The following FAM200B variants were observed in gnomAD, a reference collection of about 807,000 sequenced individuals.
FAM200B encodes protein FAM200B.
FAM200B carries 32 observed loss-of-function variants against 33.1 expected under a neutral mutation model. The observed-to-expected ratio is 0.97, with a 90% CI of 0.73 to 1.30. The LOEUF is 1.30. Among genes scored for constraint, FAM200B ranks in the 50% most tolerant of loss-of-function variants. The pLI is 0.00. For missense variants in FAM200B, 741 were observed against 754.0 expected (o/e 0.98, Z 0.20); for synonymous variants, 240 against 264.8 (o/e 0.91, Z 0.91).
Position 15,687,116 on chromosome 4 carries a change from A to G in FAM200B, c.139A>G (p.Thr47Ala). Reference sequence around the variant, plus strand: ...TACTGACTCCAATCTGCAAACTTCAACTTCATTTGAGCCACATTTCAAAAA... The same window carrying G: ...TACTGACTCCAATCTGCAAACTTCAGCTTCATTTGAGCCACATTTCAAAAA... The part of the protein sequence containing the change: ...KNTDSNLQTS[T>A]SFEPHFKKKK... Residue 47 changes from threonine to alanine, a missense_variant, in exon 2 of 2, where the codon ACT becomes GCT. Thr to Ala is a moderately conservative substitution (Grantham distance 58, BLOSUM62 0). Transcript: ENST00000422728. The G allele has an allele frequency of 1.3e-6, 2 of 1,549,062 alleles. No individual in the cohort carries two copies. The highest frequency in any genetic ancestry group is 1.7e-6 in the Non-Finnish European group (2 of 1,146,054).
Position 15,687,031 on chromosome 4 carries a change from A to G in FAM200B, c.54A>G (p.Glu18=), listed in dbSNP as rs761315441. ...RKRNSEVKYT[E]ACSSSSVESG... The stretch of plus-strand genomic sequence containing the variant: ...GGAATAGTGAAGTGAAATATACAGA[A>G]GCATGTTCAAGTTCATCTGTTGAAT... Residue 18 remains glutamate, a synonymous_variant, in exon 2 of 2, where the codon GAA becomes GAG. Coordinates refer to ENST00000422728, the MANE Select transcript of FAM200B (RefSeq NM_001145191.2). 8 of 1,512,252 alleles carry G rather than the reference A, an allele frequency of 5.3e-6. No homozygotes were observed. The highest frequency in any genetic ancestry group is 7.1e-6 in the Non-Finnish European group (8 of 1,120,364). 93.7% of individuals were successfully genotyped at this position (1,512,252 alleles called of 1,614,324 possible).
the FAM200B span, among the ~76,000 whole-genome samples, chr4:15,649,550 A>T: frequency 8.8e-5 from 13 of 146,914 alleles, no homozygotes; most frequent in Non-Finnish European, 1.6e-4. Flanking sequence ...ACTGCACTCC[A>T]GCCTGGAGAC....
the FAM200B span, among the ~76,000 whole-genome samples, chr4:15,649,192 G>A: frequency 6.6e-6 from 1 of 151,818 alleles, no homozygotes; most frequent in Non-Finnish European, 1.5e-5. Flanking sequence ...AGAGAGAAAA[G>A]TCCTTAAAGA....
At chr4:15,649,201 G>T in the FAM200B span, among the ~76,000 whole-genome samples, 1 of 151,782 alleles carries the variant, frequency 6.6e-6, no homozygotes, top group Non-Finnish European at 1.5e-5. Flanking sequence ...AGTCCTTAAA[G>T]ATACTACCCA....
the FAM200B span, chr4:15,644,482 T>C: frequency 6.3e-7 from 1 of 1,589,766 alleles, no homozygotes; most frequent in South Asian, 1.1e-5. Context: ...ATATCCATTT[T>C]TGCAACTTAC....
At chr4:15,636,838 T>A in the FAM200B span, among the ~76,000 whole-genome samples, 1 of 152,216 alleles carries the variant, frequency 6.6e-6, no homozygotes, top group Non-Finnish European at 1.5e-5. Context: ...AACATGGGGA[T>A]GTTAAACTTG....
chr4:15,641,391 C>A, the FAM200B span: 1 of 346,834 alleles, frequency 2.9e-6, no homozygotes, highest in Non-Finnish European at 5.5e-6. Context: ...ACCTCTTCTT[C>A]CTCCTCAGCC....
chr4:15,653,164 G>A, the FAM200B span, among the ~76,000 whole-genome samples: 3 of 151,744 alleles, frequency 2.0e-5, no homozygotes, highest in Non-Finnish European at 4.4e-5. Context: ...TTTAATCTTC[G>A]TGATAAACGT....
At chr4:15,650,779 C>G in the FAM200B span, among the ~76,000 whole-genome samples, 1 of 150,912 alleles carries the variant, frequency 6.6e-6, no homozygotes, top group Non-Finnish European at 1.5e-5. Flanking sequence ...ATTACAGGAC[C>G]CCGCCACCAT....
At chr4:15,656,101 AG>A in the FAM200B span, 1 of 446,224 alleles carries the variant, frequency 2.2e-6, no homozygotes, top group Non-Finnish European at 4.5e-6. Flanking sequence ...AACGCGGGTC[AG>A]GGATAGGCCC....
rs570604397 is a variant in FAM200B, at chr4:15,687,279, C to T, written c.302C>T (p.Ser101Leu). The T allele has an allele frequency of 2.8e-5, 44 of 1,547,516 alleles. No homozygotes were observed. The highest frequency in any genetic ancestry group is 3.5e-5 in the Non-Finnish European group (40 of 1,145,190). Reference sequence around the variant, plus strand: ...CTTGCGAATGAAAGCTTAAAACCTTCGAAATTAAAAAGGCACTTAGAAACT... The same window carrying T: ...CTTGCGAATGAAAGCTTAAAACCTTTGAAATTAAAAAGGCACTTAGAAACT... ...NILANESLKP[S>L]KLKRHLETQH... Residue 101 changes from serine to leucine, a missense_variant, in exon 2 of 2, where the codon TCG becomes TTG. Physicochemically the swap from Ser to Leu is moderately radical, Grantham distance 145. Coordinates refer to ENST00000422728, the MANE Select transcript of FAM200B (RefSeq NM_001145191.2).
chr4:15,641,193 C>T, the FAM200B span, among the ~76,000 whole-genome samples: 5 of 152,122 alleles, frequency 3.3e-5, no homozygotes, highest in Non-Finnish European at 4.4e-5. Context: ...TGTCAGTTCT[C>T]TTAATGTATC....
the FAM200B span, chr4:15,655,467 C>G: frequency 1.2e-5 from 11 of 880,126 alleles, no homozygotes; most frequent in Non-Finnish European, 1.5e-5. Context: ...GCGATCCCTG[C>G]GGCCCACGTG....
chr4:15,644,686 T>C, the FAM200B span: 2 of 1,608,536 alleles, frequency 1.2e-6, no homozygotes, highest in African/African-American at 2.7e-5. Context: ...ATCGTTGTTG[T>C]TGGAAAAATT....
At chr4:15,650,756 C>T in the FAM200B span, among the ~76,000 whole-genome samples, 1 of 143,808 alleles carries the variant, frequency 7.0e-6, no homozygotes, top group African/African-American at 2.6e-5. Flanking sequence ...CCTTAGCCTC[C>T]TGAGTAGCTG....
chr4:15,677,184 G>C (rs547657600), upstream of FAM200B, among the ~76,000 whole-genome samples: 1 of 152,168 alleles, frequency 6.6e-6, no homozygotes, highest in South Asian at 2.1e-4. Flanking sequence ...GAACACAAGA[G>C]GCTTAAAAGA....
the FAM200B span, chr4:15,655,333 T>G: frequency 5.0e-4 from 671 of 1,332,010 alleles, no homozygotes; most frequent in Non-Finnish European, 5.9e-4. Flanking sequence ...CCGCCGCCTC[T>G]CCATAGACAC....
At chr4:15,678,610 G>C (rs1297693747), upstream of FAM200B, among the ~76,000 whole-genome samples, 1 of 130,008 alleles carries the variant, frequency 7.7e-6, no homozygotes, top group Admixed American at 7.5e-5. Flanking sequence ...ACAACTTTTT[G>C]ACCAAAATGA....
the FAM200B span, among the ~76,000 whole-genome samples, chr4:15,673,397 C>T: frequency 5.9e-5 from 9 of 152,028 alleles, no homozygotes; most frequent in African/African-American, 2.2e-4. Context: ...GCCAAGATTG[C>T]ACTACTCTAC....
Sources: gnomAD v4.1 joint callset for allele counts (sites outside exome capture counted in the v4.1 genomes callset) on GRCh38, gnomAD v4.1.1 for gene constraint, MANE v1.5 for transcripts, NCBI Gene and HGNC (gene_info 2026-07-23, HGNC 2026-07-21) for gene names.